COL28A1: variants seen among roughly 807,000 people sequenced by gnomAD.
COL28A1 encodes collagen alpha-1(XXVIII) chain.
Under a neutral mutation model 150.2 loss-of-function variants are expected in COL28A1, and 161 were observed. That is an observed-to-expected ratio of 1.07 (90% CI 0.94 to 1.22). The LOEUF (loss-of-function observed/expected upper bound fraction) is 1.22. COL28A1 is among the 50% of genes most tolerant of loss of function. The pLI is 0.00. For synonymous variants in COL28A1, 552 were observed against 469.7 expected, an observed-to-expected ratio of 1.18 and a Z score of -2.26; for missense variants, 1,617 against 1,388.3, an observed-to-expected ratio of 1.16 and a Z score of -2.62.
At chr7:7,454,856 G>A (rs1787017678) in intron 16 of COL28A1, among the ~76,000 whole-genome samples, 1 of 152,166 alleles carries the variant, frequency 6.6e-6, no homozygotes, top group African/African-American at 2.4e-5. Flanking sequence ...TAGCCCAAAT[G>A]TCCAGCTCTT....
At chr7:7,517,637 T>A (rs186606426) in intron 7 of COL28A1, among the ~76,000 whole-genome samples, 159 bp downstream of exon 7, 4 of 152,284 alleles carry the variant, frequency 2.6e-5, no homozygotes, top group South Asian at 4.1e-4. Flanking sequence ...CATTTCCACT[T>A]CTAAGATCAT....
rs761895854 is a variant in COL28A1 at position 7,417,961 on chromosome 7, T to C, written c.2068-34A>G. On this transcript the variant is annotated intron_variant, in intron 26 of 34. Coordinates refer to ENST00000399429, the MANE Select transcript of COL28A1 (RefSeq NM_001037763.3). ...AGATGGGGAGAATTTGAAGACAAAA[T>C]GTAAGAAGATCGAAGAAGAAACAAC... 8.4e-6 allele frequency: 13 copies of C among 1,556,512 alleles called. No individual in the cohort carries two copies. In the Admixed American group the frequency reaches 2.0e-4, roughly 24 times the overall value.
chr7:7,435,709 G>C (rs995536101), intron 23 of COL28A1, among the ~76,000 whole-genome samples: 1 of 152,136 alleles, frequency 6.6e-6, no homozygotes, highest in African/African-American at 2.4e-5. Flanking sequence ...TTTAGTACTT[G>C]AACCCTTTTA....
chr7:7,540,717 C>T (rs1334787523), upstream of COL28A1, among the ~76,000 whole-genome samples: 1 of 152,176 alleles, frequency 6.6e-6, no homozygotes, highest in East Asian at 1.9e-4. Context: ...TGGCAAATGG[C>T]TCAGAACAAA....
chr7:7,478,850 C>G (rs1301036747), intron 13 of COL28A1, among the ~76,000 whole-genome samples: 1 of 152,254 alleles, frequency 6.6e-6, no homozygotes, highest in African/African-American at 2.4e-5. Context: ...CGGGGCCCGC[C>G]AAGCCCATGC....
chr7:7,494,033 G>A (rs368538296), intron 11 of COL28A1, among the ~76,000 whole-genome samples: 11 of 152,156 alleles, frequency 7.2e-5, no homozygotes, highest in African/African-American at 2.7e-4. Flanking sequence ...TTACCTCCAT[G>A]TGAGTGTGAA....
At chr7:7,516,342 T>A (rs1465031449) in intron 7 of COL28A1, among the ~76,000 whole-genome samples, 1 of 152,188 alleles carries the variant, frequency 6.6e-6, no homozygotes, top group South Asian at 2.1e-4. Context: ...CTAAGATATA[T>A]AACATCAAGG....
chr7:7,447,086 A>G (rs1786320689), intron 18 of COL28A1, among the ~76,000 whole-genome samples: 1 of 152,168 alleles, frequency 6.6e-6, no homozygotes, highest in Admixed American at 6.5e-5. Flanking sequence ...TTGGAGTTCT[A>G]AAAAGGGTCT....
Position 7,358,775 on chromosome 7 carries a change from C to G in COL28A1, c.3236G>C (p.Gly1079Ala). Residue 1079 changes from glycine (G) to alanine (A), a missense_variant, in exon 35 of 35, where the codon GGA becomes GCA. Gly to Ala is a moderately conservative substitution (Grantham distance 60). Coordinates refer to ENST00000399429, the MANE Select transcript of COL28A1 (RefSeq NM_001037763.3). The stretch of plus-strand genomic sequence containing the variant: ...TCGAACCACATATTCACCACAGTTT[C>G]CAGGCTTCAAGGCTTCCAAACATCT... ...DPRCLEALKP[G>A]NCGEYVVRWY... The G allele has an allele frequency of 6.2e-7, 1 of 1,613,840 alleles. No individual in the cohort carries two copies. Among genetic ancestry groups the G allele is most frequent in the Non-Finnish European group, 8.5e-7 (1 of 1,179,854 alleles).
intron 18 of COL28A1, among the ~76,000 whole-genome samples, chr7:7,449,324 G>A (rs1233566211): frequency 1.3e-5 from 2 of 152,020 alleles, no homozygotes; most frequent in Non-Finnish European, 2.9e-5. Flanking sequence ...TATCTTAGTA[G>A]ATGCATAATT....
intron 3 of COL28A1, among the ~76,000 whole-genome samples, chr7:7,527,136 T>G (rs1782069207): frequency 1.3e-5 from 2 of 152,226 alleles, no homozygotes; most frequent in Admixed American, 1.3e-4. Flanking sequence ...TAATTTTGTG[T>G]TTGCTGGAAT....
At chr7:7,473,453 G>A (rs556167365) in intron 15 of COL28A1, among the ~76,000 whole-genome samples, 3 of 152,106 alleles carry the variant, frequency 2.0e-5, no homozygotes, top group East Asian at 3.9e-4. Flanking sequence ...CATCACTAAC[G>A]ATCAGAGAAA....
intron 25 of COL28A1, 33 bp downstream of exon 25, chr7:7,432,440 G>A (rs373838119): frequency 6.3e-7 from 1 of 1,592,484 alleles, no homozygotes; most frequent in Non-Finnish European, 8.6e-7. Context: ...TGCACTCTTA[G>A]AAGCTAGTAC....
intron 3 of COL28A1, among the ~76,000 whole-genome samples, chr7:7,524,643 C>G (rs1781922770): frequency 1.3e-5 from 2 of 152,100 alleles, no homozygotes; most frequent in Admixed American, 6.5e-5. Context: ...TCAATTTTTT[C>G]CATCCCTATG....
intron 27 of COL28A1, among the ~76,000 whole-genome samples, chr7:7,407,109 T>G (rs1232950135): frequency 6.6e-6 from 1 of 151,776 alleles, no homozygotes; most frequent in Non-Finnish European, 1.5e-5. Flanking sequence ...GAAAATAGAA[T>G]AGAAAAATAA....
At chr7:7,508,056 C>T (rs1201097303) in intron 9 of COL28A1, among the ~76,000 whole-genome samples, 1 of 152,068 alleles carries the variant, frequency 6.6e-6, no homozygotes, top group African/African-American at 2.4e-5. Flanking sequence ...CACAGTGAAA[C>T]CCTGTCTCTA....
At chr7:7,434,407 C>T (rs1419348800) in intron 23 of COL28A1, among the ~76,000 whole-genome samples, 3 of 152,130 alleles carry the variant, frequency 2.0e-5, no homozygotes. Context: ...TGAAACTTGT[C>T]CCAAAATAAG....
intron 8 of COL28A1, among the ~76,000 whole-genome samples, chr7:7,514,562 G>A (rs1463696628): frequency 6.6e-6 from 1 of 152,174 alleles, no homozygotes; most frequent in Non-Finnish European, 1.5e-5. Flanking sequence ...AATATTTGCA[G>A]GGCCCAGGGC....
chr7:7,350,852 G>A, the COL28A1 span, among the ~76,000 whole-genome samples: 1 of 151,882 alleles, frequency 6.6e-6, no homozygotes, highest in Non-Finnish European at 1.5e-5. Flanking sequence ...GAAATAACTG[G>A]AACATTCCAT....
Sources: allele counts gnomAD v4.1 joint callset (sites outside exome capture counted in the v4.1 genomes callset), GRCh38; gene constraint gnomAD v4.1.1; transcripts MANE v1.5; gene names NCBI Gene and HGNC (gene_info 2026-07-23, HGNC 2026-07-21).